The following CEP290 variants were observed in gnomAD, a reference collection of about 807,000 sequenced individuals.
The protein encoded by CEP290 is centrosomal protein of 290 kDa.
CEP290 carries 317 observed loss-of-function variants against 344.9 expected under a neutral mutation model. The observed-to-expected ratio is 0.92, with a 90% CI of 0.84 to 1.01. The LOEUF is 1.01. CEP290 is among the 50% of genes least tolerant of loss of function. The probability of loss-of-function intolerance (pLI) is 0.00; values close to 1 mark genes in which losing one functional copy is unlikely to be tolerated. For synonymous variants in CEP290, 932 were observed against 895.8 expected, an observed-to-expected ratio of 1.04 and a Z score of -0.72; for missense variants, 2,754 against 2,761.4, an observed-to-expected ratio of 1.00 and a Z score of 0.06.
intron 12 of CEP290, among the ~76,000 whole-genome samples, 169 bp from the exon 13 acceptor site, chr12:88,125,538 G>A (rs944066613): frequency 6.6e-6 from 1 of 151,760 alleles, no homozygotes; most frequent in African/African-American, 2.4e-5. Context: ...CACAATGATA[G>A]GTACACTGCT....
chr12:88,064,577 A>G (rs2034751602), intron 44 of CEP290, among the ~76,000 whole-genome samples: 1 of 152,146 alleles, frequency 6.6e-6, no homozygotes, highest in East Asian at 1.9e-4. Flanking sequence ...TTAAAATGAG[A>G]TTTCAGGGTA....
At chr12:88,116,620 A>G (rs1480619251) in intron 18 of CEP290, among the ~76,000 whole-genome samples, 2 of 152,224 alleles carry the variant, frequency 1.3e-5, no homozygotes, top group African/African-American at 4.8e-5. Context: ...TTATTTAACA[A>G]CAATAATAAG....
At position 88,117,075 on chromosome 12, in the gene CEP290, C is replaced by A. The variant is rs1283118657; in HGVS notation, c.1782G>T (p.Leu594Phe). 1 of 1,559,898 alleles carries A rather than the reference C, an allele frequency of 6.4e-7. No individual in the cohort carries two copies. The highest frequency in any genetic ancestry group is 8.7e-7 in the Non-Finnish European group (1 of 1,148,610). ...SQGDRISERK[L>F]DLLSLKNMSE... is the part of the protein sequence containing the mutation. ...TCATATTTTTGAGGCTCAATAAATC[C>A]AATTTTCTTTCACTTATTCTATCTC... The change falls in exon 18 of 54, where the codon TTG becomes TTT. Residue 594 changes from leucine (L) to phenylalanine (F), a missense_variant. Transcript: ENST00000552810.
intron 20 of CEP290, among the ~76,000 whole-genome samples, chr12:88,113,528 T>C (rs1236538646): frequency 6.6e-6 from 1 of 152,030 alleles, no homozygotes; most frequent in Non-Finnish European, 1.5e-5. Flanking sequence ...TTAATCATGA[T>C]TTTTTTAAAA....
intron 11 of CEP290, among the ~76,000 whole-genome samples, chr12:88,127,833 A>T (rs2039825912): frequency 6.6e-6 from 1 of 152,214 alleles, no homozygotes; most frequent in Non-Finnish European, 1.5e-5. Flanking sequence ...CAAATTATCA[A>T]ATTAACACCT....
At chr12:88,068,716 C>A in intron 43 of CEP290, 71 bp from the exon 44 acceptor site, 3 of 1,471,964 alleles carry the variant, frequency 2.0e-6, no homozygotes, top group Non-Finnish European at 9.0e-7. Flanking sequence ...TATAAAAATA[C>A]AAGATAAAAA....
At position 88,093,751 on chromosome 12, in the gene CEP290, A is replaced by G. The variant is rs777835628; in HGVS notation, c.3309+19T>C. The stretch of plus-strand genomic sequence containing the variant: ...ATTCTTTATTCTATAATTGTATGAT[A>G]AAACTTATAATATCAAACCTCAGCA... On this transcript the variant is annotated intron_variant, in intron 28 of 53. Coordinates refer to ENST00000552810, the MANE Select transcript of CEP290 (RefSeq NM_025114.4). The G allele has an allele frequency of 3.5e-5, 54 of 1,548,114 alleles. No individual in the cohort carries two copies. The highest frequency in any genetic ancestry group is 2.6e-6 in the Non-Finnish European group (3 of 1,134,320).
chr12:88,095,925 G>A (rs2037392798), intron 27 of CEP290, among the ~76,000 whole-genome samples: 1 of 152,134 alleles, frequency 6.6e-6, no homozygotes, highest in African/African-American at 2.4e-5. Context: ...ATCTCTGTTA[G>A]ATATACATGA....
chr12:88,055,913 G>A (rs1592726993), intron 49 of CEP290, among the ~76,000 whole-genome samples, 196 bp from the exon 50 acceptor site: 1 of 152,066 alleles, frequency 6.6e-6, no homozygotes, highest in Admixed American at 6.6e-5. Flanking sequence ...ATTAACAGAT[G>A]GCCCAATCAA....
intron 45 of CEP290, among the ~76,000 whole-genome samples, chr12:88,063,459 T>C (rs185962160): frequency 9.6e-4 from 146 of 152,224 alleles, no homozygotes; most frequent in African/African-American, 3.3e-3. Flanking sequence ...TAATGAAATA[T>C]ACCACGCATC....
Position 88,118,467 on chromosome 12 carries a change from G to C in CEP290, c.1711+16C>G. 6.5e-7 allele frequency: 1 copy of C among 1,533,796 alleles called. No homozygotes were observed. The highest frequency in any genetic ancestry group is 8.8e-7 in the Non-Finnish European group (1 of 1,133,676). The stretch of plus-strand genomic sequence containing the variant: ...ATCAATAATTCTTTTTAAAGGTTTA[G>C]AATAACTGAGTATACCTGAAGTTGC... On this transcript the variant is annotated intron_variant, in intron 17 of 53. Coordinates refer to ENST00000552810, the MANE Select transcript of CEP290 (RefSeq NM_025114.4).
chr12:88,049,230 T>A lies in CEP290; in HGVS notation c.7394A>T (p.Glu2465Val). Residue 2465 changes from glutamate to valine, a missense_variant, in exon 54 of 54, where the codon GAG becomes GTG. Coordinates refer to ENST00000552810, the MANE Select transcript of CEP290 (RefSeq NM_025114.4). The stretch of plus-strand genomic sequence containing the variant: ...AGGACTTTCTTCTTCATCTTCAAAC[T>A]CTTCAGAAGCAGCAACAGGGCTAGT... The part of the protein sequence containing the change: ...ELTSPVAASE[E>V]FEDEEESPVN... The A allele has an allele frequency of 2.5e-6, 4 of 1,604,206 alleles. No homozygotes were observed. The highest frequency in any genetic ancestry group is 2.3e-5 in the South Asian group (2 of 87,320).
chr12:88,075,061 T>G (rs1261837987), intron 41 of CEP290, among the ~76,000 whole-genome samples: 1 of 152,188 alleles, frequency 6.6e-6, no homozygotes, highest in Admixed American at 6.5e-5. Flanking sequence ...AGGCCTGGAC[T>G]TGTGATTTGA....
chr12:88,130,619 T>C, intron 7 of CEP290, 54 bp from the exon 8 acceptor site: 1 of 1,444,778 alleles, frequency 6.9e-7, no homozygotes, highest in South Asian at 1.5e-5. Flanking sequence ...TAATACATAA[T>C]TAAAAATAAT....
Position 88,130,547 on chromosome 12 carries a change from T to G in CEP290, c.514A>C (p.Lys172Gln), listed in dbSNP as rs765944337. 2.6e-5 allele frequency: 41 copies of G among 1,594,000 alleles called. No individual in the cohort carries two copies. The highest frequency in any genetic ancestry group is 3.4e-5 in the Non-Finnish European group (40 of 1,171,512). ...TTTCACCACACTTAAAGCCTCACCT[T>G]TTTCTTTAGACGTTTGTTCTACAGA... ...LRRENKRLKK[K>Q]NEQLCQDIID... Residue 172 changes from lysine to glutamine, a missense_variant and splice_region_variant, in exon 8 of 54, where the codon AAG (lysine) becomes CAG (glutamine). Coordinates refer to ENST00000552810, the MANE Select transcript of CEP290 (RefSeq NM_025114.4).
In CEP290 at chr12:88,118,599, C is replaced by G; in HGVS notation, c.1624-29G>C. On this transcript the variant is annotated intron_variant, in intron 16 of 53. Transcript: ENST00000552810. ...CAAAGTATAAATTATTAGTATTTCTCTATAGTTCAGCCAAGAAAATAATCA... is the reference window on the plus strand; with the variant it reads ...CAAAGTATAAATTATTAGTATTTCTGTATAGTTCAGCCAAGAAAATAATCA... The G allele has an allele frequency of 1.9e-6, 3 of 1,610,078 alleles. No individual in the cohort carries two copies. In the South Asian group the frequency reaches 3.3e-5, roughly 18 times the overall value.
At chr12:88,111,566 T>C (rs1376863979) in intron 21 of CEP290, 128 bp downstream of exon 21, 12 of 876,100 alleles carry the variant, frequency 1.4e-5, no homozygotes, top group Non-Finnish European at 2.0e-5. Context: ...AAATCCAGTT[T>C]CTTAATATTG....
chr12:88,133,879 A>C (rs2040215318), intron 6 of CEP290, among the ~76,000 whole-genome samples: 1 of 152,218 alleles, frequency 6.6e-6, no homozygotes. Flanking sequence ...TTAATGCTAA[A>C]GCATTTAATG....
chr12:88,115,018 T>G (rs1201153703), intron 19 of CEP290, 80 bp downstream of exon 19: 2 of 702,932 alleles, frequency 2.8e-6, no homozygotes, highest in African/African-American at 3.7e-5. Context: ...AAACAGAGAA[T>G]GTGTTAACGC....
Sources: allele counts gnomAD v4.1 joint callset (sites outside exome capture counted in the v4.1 genomes callset), GRCh38; gene constraint gnomAD v4.1.1; transcripts MANE v1.5; gene names NCBI Gene and HGNC (gene_info 2026-07-23, HGNC 2026-07-21).